The following STK10 variants were observed in gnomAD, a reference collection of about 807,000 sequenced individuals.
STK10 encodes the protein serine/threonine kinase 10.
Under a neutral mutation model 113.8 loss-of-function variants are expected in STK10, and 78 were observed. The observed-to-expected ratio is 0.69, with a 90% CI of 0.57 to 0.83. The LOEUF (loss-of-function observed/expected upper bound fraction) is 0.83. Ranked by LOEUF, STK10 falls within the 40% of genes least tolerant of loss-of-function variation. STK10 has a pLI of 0.00. For missense variants in STK10, 1,109 were observed against 1,280.1 expected, an observed-to-expected ratio of 0.87 and a Z score of 2.04; for synonymous variants, 465 against 494.7, an observed-to-expected ratio of 0.94 and a Z score of 0.80.
rs758577758 is a variant in STK10, at chr5:172,187,533, CGTCCCTGGAAG to C, written c.156+343_156+353del. The stretch of plus-strand genomic sequence containing the variant: ...GTGCCCGTATCGCCGTTTTACGGAA[CGTCCCTGGAAG>C]GTCCCTCGAGTGGCCCTCTCGGATG... On this transcript the variant is annotated intron_variant, in intron 1 of 18. Transcript: ENST00000176763. The surrounding 1 kb of genome is among the most constrained non-coding windows in gnomAD (Gnocchi z 4.6). Among the ~76,000 whole-genome samples the C allele has an allele frequency of 5.8e-4, 88 of 152,284 alleles. No homozygotes were observed. The highest frequency in any genetic ancestry group is 1.0e-3 in the South Asian group (5 of 4,828).
At chr5:172,071,293 A>T (rs1428615045) in intron 12 of STK10, among the ~76,000 whole-genome samples, 1 of 143,388 alleles carries the variant, frequency 7.0e-6, no homozygotes, top group Non-Finnish European at 1.5e-5. Context: ...TTTAAAAAAA[A>T]AAAAAAGAAG....
In STK10 at chr5:172,187,814, G is replaced by C; in HGVS notation, c.156+73C>G. ...CCTCGGAGCCGGAGCCAGGCTGGCC[G>C]GGTCCGGCTCAGGCATCCCTTCCTT... On this transcript the variant is annotated intron_variant, in intron 1 of 18. Coordinates refer to ENST00000176763, the MANE Select transcript of STK10 (RefSeq NM_005990.4). The surrounding 1 kb of genome is among the most constrained non-coding windows in gnomAD (Gnocchi z 4.6). 6.4e-7 allele frequency: 1 copy of C among 1,565,778 alleles called. No individual in the cohort carries two copies. The highest frequency in any genetic ancestry group is 2.4e-5 in the East Asian group (1 of 42,038).
intron 1 of STK10, among the ~76,000 whole-genome samples, chr5:172,181,559 T>A (rs1770856098): frequency 6.6e-6 from 1 of 150,538 alleles, no homozygotes; most frequent in Admixed American, 6.6e-5. Context: ...CTTGGCTCAC[T>A]GCAACCTCCA....
At chr5:172,126,251 G>C (rs943062218) in intron 3 of STK10, among the ~76,000 whole-genome samples, 3 of 152,188 alleles carry the variant, frequency 2.0e-5, no homozygotes, top group East Asian at 1.9e-4. Context: ...TGATCTGGGT[G>C]AGTCCCTTAA....
At chr5:172,183,454 T>C (rs967702128) in intron 1 of STK10, among the ~76,000 whole-genome samples, 7 of 145,274 alleles carry the variant, frequency 4.8e-5, no homozygotes, top group Non-Finnish European at 7.4e-5. Context: ...TTGTAAACTT[T>C]ACTTTTTTTT....
intron 12 of STK10, among the ~76,000 whole-genome samples, chr5:172,071,282 G>GT (rs1347758003): frequency 5.3e-4 from 26 of 48,652 alleles, no homozygotes; most frequent in African/African-American, 1.7e-3. Context: ...ACAATGAAAA[G>GT]TTTAAAAAAA....
intron 3 of STK10, among the ~76,000 whole-genome samples, chr5:172,118,897 A>AAAAAAAAAAAAAAAAT (rs1561815178): frequency 6.7e-6 from 1 of 149,532 alleles, no homozygotes; most frequent in African/African-American, 2.5e-5. Context: ...AAAAAAAAAA[A>AAAAAAAAAAAAAAAAT]GTGTCCACTG....
chr5:172,106,013 G>C (rs900345215), intron 6 of STK10, among the ~76,000 whole-genome samples: 1 of 152,076 alleles, frequency 6.6e-6, no homozygotes, highest in African/African-American at 2.4e-5. Flanking sequence ...CCGATGTCCC[G>C]CCCAGGGTGT....
chr5:172,163,494 C>T (rs917702689), intron 1 of STK10, among the ~76,000 whole-genome samples: 7 of 152,202 alleles, frequency 4.6e-5, no homozygotes, highest in African/African-American at 1.4e-4. Context: ...CTCAGGCAGC[C>T]AGAATGTCAT....
rs372074473 is a variant in STK10 at position 172,068,897 on chromosome 5, C to CAA, written c.1990-4087_1990-4086dup. Reference sequence around the variant, plus strand: ...AAGACTCTGCCTCAAAAAAAAAAAACAAAACCAAAAACGTGACAATTATAA... The same window carrying CAA: ...AAGACTCTGCCTCAAAAAAAAAAAACAAAAAACCAAAAACGTGACAATTATAA... On this transcript the variant is annotated intron_variant, in intron 12 of 18. Coordinates refer to ENST00000176763, the MANE Select transcript of STK10 (RefSeq NM_005990.4). Among the ~76,000 whole-genome samples the CAA allele has an allele frequency of 6.8e-3, 984 of 145,694 alleles. 13 individuals carry two copies. Among genetic ancestry groups the CAA allele is most frequent in the African/African-American group, 0.024 (942 of 39,350 alleles).
chr5:172,045,085 C>G, intron 18 of STK10, 63 bp from the exon 19 acceptor site: 1 of 1,591,834 alleles, frequency 6.3e-7, no homozygotes, highest in Non-Finnish European at 8.6e-7. Context: ...GGGTCTCCCA[C>G]TCACAGGACC....
intron 7 of STK10, among the ~76,000 whole-genome samples, chr5:172,098,734 T>C (rs758050845): frequency 2.0e-5 from 3 of 152,318 alleles, no homozygotes; most frequent in Non-Finnish European, 2.9e-5. Context: ...AGGCACCTGG[T>C]AAAATCCAGC....
chr5:172,161,452 CA>C (rs566056414), intron 1 of STK10, among the ~76,000 whole-genome samples: 70 of 137,918 alleles, frequency 5.1e-4, no homozygotes, highest in Admixed American at 5.9e-4. Flanking sequence ...GACTCCGTCT[CA>C]AAAAAAAAAA....
At chr5:172,118,878 C>CAAAA (rs3028101) in intron 3 of STK10, among the ~76,000 whole-genome samples, 7 of 71,308 alleles carry the variant, frequency 9.8e-5, no homozygotes, top group African/African-American at 2.0e-4. Context: ...GACTCAGTCT[C>CAAAA]AAAAAAAAAA....
At chr5:172,156,036 A>G (rs1359449864) in intron 2 of STK10, among the ~76,000 whole-genome samples, 1 of 151,736 alleles carries the variant, frequency 6.6e-6, no homozygotes, top group East Asian at 1.9e-4. Context: ...CTGAGTTTGG[A>G]AGATGGCGCT....
chr5:172,128,416 C>CTTGA (rs1382632253), intron 2 of STK10, among the ~76,000 whole-genome samples: 7 of 151,190 alleles, frequency 4.6e-5, no homozygotes, highest in Non-Finnish European at 8.8e-5. Context: ...ATCTTGGCTC[C>CTTGA]ATCTCTGGGG....
chr5:172,118,246 G>A (rs761076076), intron 3 of STK10, among the ~76,000 whole-genome samples: 5 of 152,174 alleles, frequency 3.3e-5, no homozygotes, highest in Non-Finnish European at 5.9e-5. Context: ...ACCAGGGTCT[G>A]GCTTTAGAGT....
At chr5:172,119,592 C>T (rs889520172) in intron 3 of STK10, among the ~76,000 whole-genome samples, 10 of 152,014 alleles carry the variant, frequency 6.6e-5, no homozygotes, top group South Asian at 2.1e-4. Flanking sequence ...AGGCCAGGCG[C>T]GGTGGCTCAC....
chr5:172,152,499 C>T (rs1770256744), intron 2 of STK10, among the ~76,000 whole-genome samples: 1 of 152,176 alleles, frequency 6.6e-6, no homozygotes, highest in Non-Finnish European at 1.5e-5. Context: ...TGCAGTCACT[C>T]ATTTTGGGCC....
Sources: allele counts gnomAD v4.1 joint callset (sites outside exome capture counted in the v4.1 genomes callset), GRCh38; gene constraint gnomAD v4.1.1; non-coding constraint Gnocchi (gnomAD v3.1); transcripts MANE v1.5; gene names NCBI Gene and HGNC (gene_info 2026-07-23, HGNC 2026-07-21).